INO80D: variants seen among roughly 807,000 people sequenced by gnomAD.
The protein encoded by INO80D is INO80 complex subunit D.
INO80D carries 21 observed loss-of-function variants against 87.6 expected under a neutral mutation model. That is an observed-to-expected ratio of 0.24 (90% CI 0.17 to 0.35). INO80D has a LOEUF of 0.35. Ranked by LOEUF, INO80D falls within the 10% of genes least tolerant of loss-of-function variation. INO80D has a pLI of 1.00. For synonymous variants in INO80D, 440 were observed against 491.0 expected (o/e 0.90, Z 1.37); for missense variants, 982 against 1,280.7 (o/e 0.77, Z 3.56).
intron 8 of INO80D, among the ~76,000 whole-genome samples, chr2:206,017,416 T>A (rs1226991468): frequency 3.3e-5 from 5 of 152,178 alleles, no homozygotes; most frequent in Admixed American, 6.5e-5. Context: ...TCGATTGAAG[T>A]TTCATCAACT....
intron 1 of INO80D, among the ~76,000 whole-genome samples, chr2:206,066,811 A>C (rs1689828846): frequency 6.6e-6 from 1 of 151,726 alleles, no homozygotes; most frequent in Non-Finnish European, 1.5e-5. Flanking sequence ...TCACAAAAAA[A>C]AAAAAAAGAA....
At chr2:206,063,094 A>G in intron 2 of INO80D, 49 bp from the exon 3 acceptor site, 3 of 975,366 alleles carry the variant, frequency 3.1e-6, no homozygotes, top group Non-Finnish European at 4.7e-6. Context: ...ATCAGAGAGT[A>G]TAAGGCAGAT....
intron 6 of INO80D, among the ~76,000 whole-genome samples, chr2:206,022,219 T>C (rs896873479): frequency 1.3e-4 from 19 of 151,344 alleles, no homozygotes; most frequent in African/African-American, 4.6e-4. Flanking sequence ...CAAAAAAAAT[T>C]AGCTGGGCAT....
intron 6 of INO80D, 47 bp downstream of exon 6, chr2:206,028,064 A>G (rs1488353976): frequency 2.8e-5 from 37 of 1,331,330 alleles, no homozygotes; most frequent in Non-Finnish European, 3.8e-5. Context: ...AAATAAAGAA[A>G]GCAAACTGAG....
Position 206,062,787 on chromosome 2 carries a change from AT to A in INO80D, c.218+11del, listed in dbSNP as rs1689720592. 1 of 1,592,044 alleles carries A rather than the reference AT, an allele frequency of 6.3e-7. No individual in the cohort carries two copies. Among genetic ancestry groups the A allele is most frequent in the African/African-American group, 1.4e-5 (1 of 73,670 alleles). ...ATGAAATCAAGGATTGATTCTCATG[AT>A]TAGCCCTTACCTACGATCCTCTGAT... is the stretch of plus-strand genomic sequence containing the variant. On this transcript the variant is annotated intron_variant, in intron 3 of 10. Transcript: ENST00000403263. This position sits in a 1 kb window ranked among gnomAD's most constrained non-coding sequence, Gnocchi z 4.6.
chr2:206,059,029 G>A (rs551285016), intron 3 of INO80D, among the ~76,000 whole-genome samples: 27 of 145,882 alleles, frequency 1.9e-4, no homozygotes, highest in African/African-American at 6.4e-4. Flanking sequence ...GTTCAAGATC[G>A]ACCTGAGCAA....
At chr2:206,017,209 G>GA (rs1450737139) in intron 8 of INO80D, among the ~76,000 whole-genome samples, 1 of 152,154 alleles carries the variant, frequency 6.6e-6, no homozygotes, top group Non-Finnish European at 1.5e-5. Flanking sequence ...AGGTACCTAG[G>GA]AAAGTATCTT....
intron 9 of INO80D, among the ~76,000 whole-genome samples, chr2:206,008,728 T>A (rs1688092394): frequency 6.6e-6 from 1 of 152,352 alleles, no homozygotes; most frequent in East Asian, 1.9e-4. Flanking sequence ...TTCACCCATG[T>A]ATTAAGAGGC....
chr2:206,046,949 T>C (rs1377544688), intron 4 of INO80D, among the ~76,000 whole-genome samples: 2 of 151,956 alleles, frequency 1.3e-5, no homozygotes, highest in African/African-American at 4.8e-5. Flanking sequence ...CCCAGCTAAT[T>C]TTTGTATTTT....
At chr2:206,043,245 C>A (rs1689100857) in intron 5 of INO80D, among the ~76,000 whole-genome samples, 1 of 152,054 alleles carries the variant, frequency 6.6e-6, no homozygotes. Context: ...AATCTCGGCT[C>A]ACTGCAACCT....
chr2:206,064,986 A>C (rs1018668065), intron 1 of INO80D, among the ~76,000 whole-genome samples: 1 of 152,020 alleles, frequency 6.6e-6, no homozygotes, highest in African/African-American at 2.4e-5. Context: ...GTTGGACTAG[A>C]AATTTAAATT....
chr2:206,026,545 CA>C (rs35936211), intron 6 of INO80D, among the ~76,000 whole-genome samples: 22 of 138,442 alleles, frequency 1.6e-4, no homozygotes, highest in African/African-American at 5.1e-4. Context: ...GGCTCCGTCT[CA>C]AAAAAAAATT....
intron 1 of INO80D, among the ~76,000 whole-genome samples, chr2:206,073,790 C>T (rs1690034693): frequency 1.3e-5 from 2 of 152,226 alleles, no homozygotes; most frequent in African/African-American, 4.8e-5. Context: ...GCTGGGATTA[C>T]AGGCCTAAGC....
At chr2:206,084,384 A>G (rs937444623) in intron 1 of INO80D, among the ~76,000 whole-genome samples, 5 of 152,110 alleles carry the variant, frequency 3.3e-5, no homozygotes, top group African/African-American at 1.2e-4. Flanking sequence ...CTCTATTTCT[A>G]GGTCGAATAC....
Position 205,996,616 on chromosome 2 carries a change from A to G in INO80D, c.*7752T>C, listed in dbSNP as rs1687813687. 1 of 152,146 alleles carries G rather than the reference A, an allele frequency of 6.6e-6. No individual in the cohort carries two copies. Among genetic ancestry groups the G allele is most frequent in the South Asian group, 2.1e-4 (1 of 4,832 alleles). 9.4% of individuals were successfully genotyped at this position (152,146 alleles called of 1,614,324 possible). A position where few individuals can be genotyped will look rare whatever the true frequency, so the allele number is the denominator to read the frequency against. On this transcript the variant is annotated 3_prime_UTR_variant, in exon 11 of 11. Coordinates refer to ENST00000403263, the MANE Select transcript of INO80D (RefSeq NM_017759.5). Reference sequence around the variant, plus strand: ...ACATTTTTAAGGGAAATATATGTATATAGCTTTATCTATACACACACATAT... The same window carrying G: ...ACATTTTTAAGGGAAATATATGTATGTAGCTTTATCTATACACACACATAT...
In INO80D at chr2:205,995,068, T is replaced by C. The variant is rs765297449; in HGVS notation, c.*9300A>G. The C allele has an allele frequency of 1.4e-4, 22 of 152,142 alleles. No individual in the cohort carries two copies. The highest frequency in any genetic ancestry group is 4.6e-4 in the Admixed American group (7 of 15,276). 9.4% of individuals were successfully genotyped at this position (152,142 alleles called of 1,614,324 possible). A position where few individuals can be genotyped will look rare whatever the true frequency, so the allele number is the denominator to read the frequency against. ...AGTTAACTTCCCCCAGGCAAAATGA[T>C]CTCAATAATCATTATTTATTAATGA... On this transcript the variant is annotated 3_prime_UTR_variant, in exon 11 of 11. Transcript: ENST00000403263.
intron 8 of INO80D, among the ~76,000 whole-genome samples, chr2:206,016,793 T>C (rs960361713): frequency 6.6e-6 from 1 of 152,138 alleles, no homozygotes; most frequent in Non-Finnish European, 1.5e-5. Flanking sequence ...TCTGATGGTT[T>C]TATAAATGGG....
chr2:206,071,989 A>G (rs1403531860), intron 1 of INO80D, among the ~76,000 whole-genome samples: 1 of 152,042 alleles, frequency 6.6e-6, no homozygotes, highest in Non-Finnish European at 1.5e-5. Context: ...TTTCTCCTCC[A>G]CTCTGAACTT....
chr2:206,066,002 G>A (rs1689806453), intron 1 of INO80D, among the ~76,000 whole-genome samples: 1 of 152,210 alleles, frequency 6.6e-6, no homozygotes, highest in Non-Finnish European at 1.5e-5. Flanking sequence ...GCTCACGCCT[G>A]TAATCCCAGC....
Sources: allele counts gnomAD v4.1 joint callset (sites outside exome capture counted in the v4.1 genomes callset), GRCh38; gene constraint gnomAD v4.1.1; non-coding constraint Gnocchi (gnomAD v3.1); transcripts MANE v1.5; gene names NCBI Gene and HGNC (gene_info 2026-07-23, HGNC 2026-07-21).